Variants in ACSL5 observed in about 807,000 individuals in gnomAD.
The protein encoded by ACSL5 is acyl-CoA synthetase long chain family member 5.
A neutral mutation model predicts 84.9 loss-of-function variants in ACSL5; 50 were observed. The ratio of observed to expected loss-of-function variants is 0.59; its 90% CI spans 0.47 to 0.75. The LOEUF (loss-of-function observed/expected upper bound fraction) is 0.75. ACSL5 is among the 30% of genes least tolerant of loss of function. ACSL5 has a pLI of 0.00. For synonymous variants in ACSL5, 280 were observed against 300.7 expected (o/e 0.93, Z 0.71); for missense variants, 775 against 830.4 (o/e 0.93, Z 0.82).
intron 1 of ACSL5, among the ~76,000 whole-genome samples, chr10:112,383,262 G>A (rs1054811492): frequency 7.9e-5 from 12 of 152,312 alleles, no homozygotes; most frequent in African/African-American, 2.4e-4. Flanking sequence ...CTGCGATAGC[G>A]CCACTGCATT....
chr10:112,400,490 A>AC (rs1250813621), intron 3 of ACSL5, among the ~76,000 whole-genome samples: 3 of 137,210 alleles, frequency 2.2e-5, no homozygotes, highest in Non-Finnish European at 4.6e-5. Flanking sequence ...GCTCACGGCA[A>AC]CCTCTGCCTC....
chr10:112,409,605 C>A lies in ACSL5; in HGVS notation c.631C>A (p.Leu211Ile). The change falls in exon 7 of 21, where the codon CTT becomes ATT. Residue 211 changes from leucine (L) to isoleucine (I), a missense_variant. By Grantham distance (5) the Leu-to-Ile change is conservative (BLOSUM62 2). Transcript: ENST00000354655. ...GFTPSLKVII[L>I]MDPFDDDLKQ... The stretch of plus-strand genomic sequence containing the variant: ...CACCCCGAGCCTGAAGGTGATCATC[C>A]TTATGGACCCCTTTGATGATGACCT... 1 of 1,614,054 alleles carries A rather than the reference C, an allele frequency of 6.2e-7. No homozygotes were observed. The highest frequency in any genetic ancestry group is 8.5e-7 in the Non-Finnish European group (1 of 1,179,962).
At chr10:112,389,360 G>A (rs991892250) in intron 1 of ACSL5, among the ~76,000 whole-genome samples, 1 of 152,200 alleles carries the variant, frequency 6.6e-6, no homozygotes, top group Non-Finnish European at 1.5e-5. Flanking sequence ...TCAAGGACAA[G>A]GATGGTGGAC....
At chr10:112,409,776 G>A in intron 7 of ACSL5, 91 bp downstream of exon 7, 1 of 1,333,638 alleles carries the variant, frequency 7.5e-7, no homozygotes, top group Non-Finnish European at 1.1e-6. Flanking sequence ...CAGTGTTCTT[G>A]TTCTCCAGGG....
In ACSL5 at chr10:112,404,820, A is replaced by G; in HGVS notation, c.432+14A>G. 6.3e-7 allele frequency: 1 copy of G among 1,595,826 alleles called. No individual in the cohort carries two copies. The highest frequency in any genetic ancestry group is 2.2e-5 in the East Asian group (1 of 44,794). ...AATAGGCCAGAGGTAACTATGTTGA[A>G]GTTAACTAAAGGAAATGAGTCAGGG... On this transcript the variant is annotated intron_variant, in intron 5 of 20. Transcript: ENST00000354655.
At chr10:112,385,124 C>T (rs973819976) in intron 1 of ACSL5, among the ~76,000 whole-genome samples, 3 of 152,170 alleles carry the variant, frequency 2.0e-5, no homozygotes, top group African/African-American at 7.2e-5. Context: ...ATAGTTAATA[C>T]ATGAACCTGC....
At chr10:112,399,293 G>A (rs1157512812) in intron 3 of ACSL5, among the ~76,000 whole-genome samples, 4 of 152,158 alleles carry the variant, frequency 2.6e-5, no homozygotes, top group African/African-American at 4.8e-5. Context: ...CAAGAAGAAC[G>A]TCCCTGCCAA....
At chr10:112,408,343 C>A in intron 5 of ACSL5, 79 bp from the exon 6 acceptor site, 4 of 846,008 alleles carry the variant, frequency 4.7e-6, no homozygotes, top group South Asian at 1.6e-5. Flanking sequence ...AAAAACCAGA[C>A]AGCATTTGTT....
intron 5 of ACSL5, among the ~76,000 whole-genome samples, chr10:112,405,094 G>A (rs1352449121): frequency 6.6e-6 from 1 of 152,144 alleles, no homozygotes; most frequent in Non-Finnish European, 1.5e-5. Flanking sequence ...AGGAAGCTAG[G>A]AGGGACCGCC....
At position 112,426,279 on chromosome 10, in the gene ACSL5, G is replaced by A; in HGVS notation, c.1759G>A (p.Val587Ile). ...ATAGTCATCCTTAGTAGGAGTGGTG[G>A]TTCCTGACACAGATGTACTTCCCTC... is the stretch of plus-strand genomic sequence containing the variant. ...SLRSSLVGVV[V>I]PDTDVLPSFA... The change falls in exon 19 of 21, where the codon GTT becomes ATT. Residue 587 changes from valine to isoleucine, a missense_variant. Physicochemically the swap from Val to Ile is conservative, Grantham distance 29. Coordinates refer to ENST00000354655, the MANE Select transcript of ACSL5 (RefSeq NM_203379.2). 1 of 1,614,128 alleles carries A rather than the reference G, an allele frequency of 6.2e-7. No individual in the cohort carries two copies.
At chr10:112,385,080 A>G (rs1849423688) in intron 1 of ACSL5, among the ~76,000 whole-genome samples, 1 of 152,200 alleles carries the variant, frequency 6.6e-6, no homozygotes, top group African/African-American at 2.4e-5. Context: ...TTTGGATTAG[A>G]AACAATTCTA....
Position 112,413,218 on chromosome 10 carries a change from G to T in ACSL5, c.994G>T (p.Asp332Tyr), listed in dbSNP as rs765608752. The change falls in exon 12 of 21, where the codon GAT (aspartate) becomes TAT (tyrosine). Residue 332 changes from aspartate (D) to tyrosine (Y), a missense_variant. Asp to Tyr is a radical substitution (Grantham distance 160). Coordinates refer to ENST00000354655, the MANE Select transcript of ACSL5 (RefSeq NM_203379.2). The stretch of plus-strand genomic sequence containing the variant: ...AGCCAGAGTTGGATTCTTCCAAGGG[G>T]ATATTCGGTTGCTGGCTGACGACAT... ...CGARVGFFQG[D>Y]IRLLADDMKT... 6.8e-6 allele frequency: 11 copies of T among 1,614,200 alleles called. No individual in the cohort carries two copies. In the Admixed American group the frequency reaches 1.7e-4, roughly 24 times the overall value.
chr10:112,412,150 G>C, intron 11 of ACSL5, 171 bp downstream of exon 11: 1 of 647,750 alleles, frequency 1.5e-6, no homozygotes, highest in Non-Finnish European at 2.7e-6. Flanking sequence ...CTCATTTCCT[G>C]CAGAGTCTTC....
intron 1 of ACSL5, among the ~76,000 whole-genome samples, chr10:112,387,827 A>T (rs1477154714): frequency 6.6e-6 from 1 of 152,202 alleles, no homozygotes; most frequent in Non-Finnish European, 1.5e-5. Context: ...AAATTAATGA[A>T]GGCAGATTTT....
At chr10:112,426,184 C>A in intron 18 of ACSL5, 74 bp from the exon 19 acceptor site, 1 of 1,171,272 alleles carries the variant, frequency 8.5e-7, no homozygotes, top group Non-Finnish European at 1.3e-6. Flanking sequence ...CATAATTCTG[C>A]TTTATTTAAC....
Position 112,426,350 on chromosome 10 carries a change from C to T in ACSL5, c.1830C>T (p.Cys610=), listed in dbSNP as rs1394668194. The change falls in exon 19 of 21, where the codon TGC becomes TGT. Residue 610 remains cysteine, a synonymous_variant. Coordinates refer to ENST00000354655, the MANE Select transcript of ACSL5 (RefSeq NM_203379.2). ...TGAAGGGCTCCTTTGAGGAACTGTG[C>T]CAAAACCAAGTAAGTCTTGCCTAGG... The part of the protein sequence containing the change: ...LGVKGSFEEL[C]QNQVVREAIL... 6.2e-7 allele frequency: 1 copy of T among 1,613,780 alleles called. No homozygotes were observed. The highest frequency in any genetic ancestry group is 1.7e-5 in the Admixed American group (1 of 59,994).
intron 1 of ACSL5, 145 bp from the exon 2 acceptor site, chr10:112,394,773 G>T: frequency 6.8e-7 from 1 of 1,475,970 alleles, no homozygotes; most frequent in Non-Finnish European, 8.9e-7. Flanking sequence ...CCACTAGAGA[G>T]GTACAACTGT....
At chr10:112,416,287 T>A (rs537932925) in intron 12 of ACSL5, among the ~76,000 whole-genome samples, 2 of 151,880 alleles carry the variant, frequency 1.3e-5, no homozygotes, top group Non-Finnish European at 2.9e-5. Flanking sequence ...CTGGCTAACA[T>A]GGTGAAACCC....
intron 19 of ACSL5, 128 bp from the exon 20 acceptor site, chr10:112,426,660 G>T: frequency 1.3e-6 from 1 of 795,294 alleles, no homozygotes; most frequent in Non-Finnish European, 2.1e-6. Flanking sequence ...CATATAATGT[G>T]CTTGTGCATA....
Sources: allele counts gnomAD v4.1 joint callset (sites outside exome capture counted in the v4.1 genomes callset), GRCh38; gene constraint gnomAD v4.1.1; transcripts MANE v1.5; gene names NCBI Gene and HGNC (gene_info 2026-07-23, HGNC 2026-07-21).